The following YY1 variants were observed in gnomAD, a reference collection of about 807,000 sequenced individuals.
YY1 encodes the protein YY1 transcription factor.
Under a neutral mutation model 35.6 loss-of-function variants are expected in YY1, and 2 were observed. The ratio of observed to expected loss-of-function variants is 0.06; its 90% CI spans 0.02 to 0.18. The LOEUF (loss-of-function observed/expected upper bound fraction) is 0.18. Ranked by LOEUF, YY1 falls within the 10% of genes least tolerant of loss-of-function variation. The pLI, the probability that YY1 is intolerant of heterozygous loss-of-function variation, is 1.00. For missense variants in YY1, 322 were observed against 573.4 expected, an observed-to-expected ratio of 0.56 and a Z score of 4.48; for synonymous variants, 268 against 238.9, an observed-to-expected ratio of 1.12 and a Z score of -1.12.
At position 100,278,518 on chromosome 14, in the gene YY1, T is replaced by G. The variant is rs1314866983; in HGVS notation, c.*918T>G. ...TAAGCACAGTCTTATTTTCTTTTGT[T>G]GTCCAGAATACTTATAATTCTTGAG... is the stretch of plus-strand genomic sequence containing the variant. On this transcript the variant is annotated 3_prime_UTR_variant, in exon 5 of 5. Transcript: ENST00000262238. 6.6e-6 allele frequency: 1 copy of G among 152,500 alleles called. No homozygotes were observed. Among genetic ancestry groups the G allele is most frequent in the Non-Finnish European group, 1.5e-5 (1 of 68,042 alleles). 9.4% of individuals were successfully genotyped at this position (152,500 alleles called of 1,614,324 possible).
In YY1 at chr14:100,281,301, CAG is replaced by C. The variant is rs957098198; in HGVS notation, c.*3702_*3703del. The stretch of plus-strand genomic sequence containing the variant: ...AGAGTAAGGATCCCAGAGGTCAAAA[CAG>C]TGGTGAGAGCCAAGCTGCTCACAGA... On this transcript the variant is annotated 3_prime_UTR_variant, in exon 5 of 5. Transcript: ENST00000262238. 10 of 152,118 alleles carry C rather than the reference CAG, an allele frequency of 6.6e-5. No individual in the cohort carries two copies. Among genetic ancestry groups the C allele is most frequent in the African/African-American group, 2.4e-4 (10 of 41,394 alleles). The allele number at this position is 152,118 out of a possible 1,614,324, so 9.4% of individuals were successfully genotyped here. A position where few individuals can be genotyped will look rare whatever the true frequency, so the allele number is the denominator to read the frequency against.
intron 2 of YY1, among the ~76,000 whole-genome samples, chr14:100,270,456 C>CAAAAAA (rs34083329): frequency 2.7e-4 from 26 of 98,064 alleles, no homozygotes; most frequent in African/African-American, 8.7e-4. Context: ...ACTAAAAATA[C>CAAAAAA]AAAAAAAAAA....
chr14:100,249,201 A>G (rs944385787), intron 1 of YY1, among the ~76,000 whole-genome samples: 13 of 133,396 alleles, frequency 9.7e-5, no homozygotes, highest in African/African-American at 3.1e-4. Flanking sequence ...CTCACCTGCA[A>G]CCTTCACCTC....
chr14:100,276,757 T>C lies in YY1; in HGVS notation c.1062+109T>C. On this transcript the variant is annotated intron_variant, in intron 4 of 4. Transcript: ENST00000262238. The surrounding 1 kb of genome is among the most constrained non-coding windows in gnomAD (Gnocchi z 4.1). ...GCGCCAGCCCAGAGACTCAGGGTCT[T>C]ATTACTCCTTGGTGAGAAACAAAAC... The C allele has an allele frequency of 6.5e-7, 1 of 1,536,460 alleles. No homozygotes were observed. Among genetic ancestry groups the C allele is most frequent in the Non-Finnish European group, 8.9e-7 (1 of 1,123,562 alleles).
At chr14:100,248,111 A>ATT (rs966925892) in intron 1 of YY1, among the ~76,000 whole-genome samples, 1 of 75,896 alleles carries the variant, frequency 1.3e-5, no homozygotes, top group African/African-American at 6.4e-5. Flanking sequence ...CGCCCGGCTA[A>ATT]TTTTTTTTTC....
chr14:100,246,516 G>A (rs1035130097), intron 1 of YY1, among the ~76,000 whole-genome samples: 10 of 152,228 alleles, frequency 6.6e-5, no homozygotes, highest in Middle Eastern at 3.2e-3. Flanking sequence ...TCTGAGAGGA[G>A]ACAAATTAAA....
chr14:100,239,640 C>T lies in YY1; in HGVS notation c.396C>T (p.Leu132=), dbSNP rs1402675383. 4 of 1,611,038 alleles carry T rather than the reference C, an allele frequency of 2.5e-6. No homozygotes were observed. The highest frequency in any genetic ancestry group is 1.1e-5 in the South Asian group (1 of 91,048). Residue 132 remains leucine (L), a synonymous_variant, in exon 1 of 5, where the codon CTC becomes CTT. Coordinates refer to ENST00000262238, the MANE Select transcript of YY1 (RefSeq NM_003403.5). The part of the protein sequence containing the change: ...RAEDGFEDQI[L]IPVPAPAGGD... ...AGGACGGCTTCGAGGATCAGATTCT[C>T]ATCCCGGTGCCCGCGCCGGCCGGCG...
chr14:100,239,749 G>A lies in YY1; in HGVS notation c.505G>A (p.Gly169Ser). The stretch of plus-strand genomic sequence containing the variant: ...CGGCGGCGGCTCGTCGTCGTCGGGA[G>A]GCGGCCGCGTCAAGAAGGGCGGCGG... ...SGGGGSSSSG[G>S]GRVKKGGGKK... The change falls in exon 1 of 5, where the codon GGC becomes AGC. Residue 169 changes from glycine (G) to serine (S), a missense_variant. Gly to Ser is a moderately conservative substitution (Grantham distance 56). Around this residue, in one of 4 missense-constraint regions of YY1, gnomAD observed 152 missense variants for 167.1 expected, o/e 0.91. Transcript: ENST00000262238. 2 of 1,585,888 alleles carry A rather than the reference G, an allele frequency of 1.3e-6. No individual in the cohort carries two copies. Among genetic ancestry groups the A allele is most frequent in the Non-Finnish European group, 1.7e-6 (2 of 1,170,516 alleles).
At chr14:100,274,485 C>T (rs754524148) in intron 2 of YY1, among the ~76,000 whole-genome samples, 7 of 152,228 alleles carry the variant, frequency 4.6e-5, no homozygotes, top group Non-Finnish European at 8.8e-5. Flanking sequence ...ATGTTTCTAG[C>T]CTGAGCATCC....
chr14:100,263,162 T>A (rs1891108150), intron 2 of YY1, among the ~76,000 whole-genome samples: 1 of 152,180 alleles, frequency 6.6e-6, no homozygotes, highest in African/African-American at 2.4e-5. Flanking sequence ...CCGCCTGCCT[T>A]GGCCTCCCAA....
In YY1 at chr14:100,239,460, C is replaced by T. The variant is rs769652713; in HGVS notation, c.216C>T (p.His72=). The T allele has an allele frequency of 6.2e-6, 10 of 1,600,996 alleles. No homozygotes were observed. In the South Asian group the frequency reaches 6.6e-5, roughly 11 times the overall value. ...GGGHGHAGHH[H]HHHHHHHHPP... ...GCCACGGGCACGCCGGCCACCACCA[C>T]CACCACCATCACCACCACCACCACC... Residue 72 remains histidine (H), a synonymous_variant, in exon 1 of 5, where the codon CAC becomes CAT. Coordinates refer to ENST00000262238, the MANE Select transcript of YY1 (RefSeq NM_003403.5).
chr14:100,240,003 C>T, intron 1 of YY1, 80 bp downstream of exon 1: 2 of 1,347,758 alleles, frequency 1.5e-6, no homozygotes, highest in Non-Finnish European at 1.9e-6. Flanking sequence ...TGATGGGCGC[C>T]GCCATCTTCT....
intron 1 of YY1, among the ~76,000 whole-genome samples, chr14:100,242,581 G>A (rs1890767241): frequency 6.6e-6 from 1 of 151,424 alleles, no homozygotes; most frequent in Non-Finnish European, 1.5e-5. Context: ...GTAGAGACAG[G>A]GTTTCACCAT....
At chr14:100,259,896 A>G (rs1891056741) in intron 1 of YY1, among the ~76,000 whole-genome samples, 2 of 152,160 alleles carry the variant, frequency 1.3e-5, no homozygotes, top group African/African-American at 2.4e-5. Flanking sequence ...TTACAGCAGC[A>G]CTGAAGGGAT....
Position 100,239,421 on chromosome 14 carries a change from C to G in YY1, c.177C>G (p.His59Gln). The change falls in exon 1 of 5, where the codon CAC becomes CAG. Residue 59 changes from histidine to glutamine, a missense_variant. Physicochemically the swap from His to Gln is conservative, Grantham distance 24 (BLOSUM62 0). Transcript: ENST00000262238. ...DDDEDGGGGD[H>Q]GGGGGHGHAG... ...ACGAGGACGGCGGCGGTGGCGACCA[C>G]GGCGGCGGGGGCGGCCACGGGCACG... is the stretch of plus-strand genomic sequence containing the variant. 1 of 1,594,918 alleles carries G rather than the reference C, an allele frequency of 6.3e-7. No individual in the cohort carries two copies. The highest frequency in any genetic ancestry group is 2.3e-5 in the East Asian group (1 of 43,916).
rs146641440 is a variant in YY1, at chr14:100,248,502, A to G, written c.679+8579A>G. Among the ~76,000 whole-genome samples, 1,443 of 151,908 alleles carry G rather than the reference A, an allele frequency of 9.5e-3. 18 individuals are homozygous for G. Among genetic ancestry groups the G allele is most frequent in the African/African-American group, 0.033 (1,388 of 41,434 alleles). On this transcript the variant is annotated intron_variant, in intron 1 of 4. Transcript: ENST00000262238. Reference sequence around the variant, plus strand: ...TATTAGGAACTCTTGAGAAAAAAAAATTTTTTTGAGACGGGTTTTTGCTAT... The same window carrying G: ...TATTAGGAACTCTTGAGAAAAAAAAGTTTTTTTGAGACGGGTTTTTGCTAT...
In YY1 at chr14:100,276,312, TCAGC is replaced by T; in HGVS notation, c.904-177_904-174del. 1 of 825,560 alleles carries T rather than the reference TCAGC, an allele frequency of 1.2e-6. No individual in the cohort carries two copies. The highest frequency in any genetic ancestry group is 1.9e-6 in the Non-Finnish European group (1 of 536,004). The allele number at this position is 825,560 out of a possible 1,614,324, so 51.1% of individuals were successfully genotyped here. A position where few individuals can be genotyped will look rare whatever the true frequency, so the allele number is the denominator to read the frequency against. ...GGGTTTGCATTGAATGATGACTTTT[TCAGC>T]TGTCTGCTTTTTGTCTTAAATGATA... On this transcript the variant is annotated intron_variant, in intron 3 of 4. Transcript: ENST00000262238. The surrounding 1 kb of genome is among the most constrained non-coding windows in gnomAD (Gnocchi z 4.1).
In YY1 at chr14:100,276,398, T is replaced by TAA; in HGVS notation, c.904-92_904-91insAA. 4 of 1,581,762 alleles carry TAA rather than the reference T, an allele frequency of 2.5e-6. No individual in the cohort carries two copies. The South Asian group carries it at 4.4e-5, about 18-fold the overall frequency. ...AAAATGGGGGGTTGGGGAGGTGGTT[T>TAA]TGTTTTAATATGTCAGTAAAGGCTG... On this transcript the variant is annotated intron_variant, in intron 3 of 4. Transcript: ENST00000262238. This position sits in a 1 kb window ranked among gnomAD's most constrained non-coding sequence, Gnocchi z 4.1.
chr14:100,253,264 G>A (rs1488363825), intron 1 of YY1, among the ~76,000 whole-genome samples: 1 of 152,126 alleles, frequency 6.6e-6, no homozygotes, highest in African/African-American at 2.4e-5. Flanking sequence ...TTACCCCATC[G>A]CTAGTCAATA....
Sources: gnomAD v4.1 joint callset for allele counts (sites outside exome capture counted in the v4.1 genomes callset) on GRCh38, gnomAD v4.1.1 for gene constraint, gnomAD v4.1.1 regional missense constraint, Gnocchi (gnomAD v3.1) non-coding constraint, MANE v1.5 for transcripts, NCBI Gene and HGNC (gene_info 2026-07-23, HGNC 2026-07-21) for gene names.